Variants in COA1 observed in about 807,000 individuals in gnomAD.
COA1 encodes the protein cytochrome c oxidase assembly factor 1 homolog.
A neutral mutation model predicts 16.0 loss-of-function variants in COA1; 13 were observed. The ratio of observed to expected loss-of-function variants is 0.81; its 90% confidence interval spans 0.53 to 1.29. The LOEUF (loss-of-function observed/expected upper bound fraction) is 1.29, where lower values mean the gene tolerates loss of function less well. Among genes scored for constraint, COA1 ranks in the 50% most tolerant of loss-of-function variants. The pLI is 0.00. For missense variants in COA1, 179 were observed against 177.0 expected (o/e 1.01, Z -0.06); for synonymous variants, 65 against 65.7 (o/e 0.99, Z 0.05).
chr7:43,729,210 T>C (rs746911176), intron 1 of COA1, among the ~76,000 whole-genome samples: 12 of 152,242 alleles, frequency 7.9e-5, no homozygotes, highest in African/African-American at 9.6e-5. Flanking sequence ...CACAGCCTCC[T>C]AACTCCGAGC....
chr7:43,688,507 A>ATCACAGG (rs2094136507), intron 1 of COA1, among the ~76,000 whole-genome samples: 2 of 152,238 alleles, frequency 1.3e-5, no homozygotes, highest in Non-Finnish European at 2.9e-5. Context: ...TTCCAGGATT[A>ATCACAGG]AAAACCTCTT....
At chr7:43,657,528 A>G (rs181692206) in intron 1 of COA1, among the ~76,000 whole-genome samples, 1 of 152,340 alleles carries the variant, frequency 6.6e-6, no homozygotes, top group East Asian at 1.9e-4. Context: ...CAATCAACAA[A>G]TATTTGCCAA....
At chr7:43,654,521 A>G (rs561942343) in intron 1 of COA1, among the ~76,000 whole-genome samples, 1 of 152,352 alleles carries the variant, frequency 6.6e-6, no homozygotes, top group Admixed American at 6.5e-5. Context: ...GAAACTCACA[A>G]ACTAGAATTA....
At chr7:43,687,798 T>C (rs1344270919) in intron 1 of COA1, among the ~76,000 whole-genome samples, 1 of 152,164 alleles carries the variant, frequency 6.6e-6, no homozygotes, top group African/African-American at 2.4e-5. Context: ...AAATTCTTTG[T>C]AATTCAAGAA....
chr7:43,717,459 TCTC>T (rs1255580000), intron 1 of COA1, among the ~76,000 whole-genome samples: 4 of 152,210 alleles, frequency 2.6e-5, no homozygotes, highest in Admixed American at 6.5e-5. Flanking sequence ...TTGGCCAATT[TCTC>T]CTATTTGGAA....
At chr7:43,706,040 A>C (rs971445966) in intron 1 of COA1, among the ~76,000 whole-genome samples, 2 of 152,152 alleles carry the variant, frequency 1.3e-5, no homozygotes, top group African/African-American at 4.8e-5. Flanking sequence ...GCCTGGTCTC[A>C]GTGGGAGAGG....
At chr7:43,649,029 G>A in intron 1 of COA1, 1 of 174,840 alleles carries the variant, frequency 5.7e-6, no homozygotes, top group Non-Finnish European at 1.2e-5. Context: ...GTACGTGACA[G>A]AGTGAAAACA....
chr7:43,669,950 G>A (rs1483671269), intron 1 of COA1, among the ~76,000 whole-genome samples: 1 of 152,074 alleles, frequency 6.6e-6, no homozygotes, highest in Non-Finnish European at 1.5e-5. Context: ...AGGAAGGAAA[G>A]GAAAGCGGGG....
chr7:43,616,774 G>C (rs1258321339), intron 6 of COA1, among the ~76,000 whole-genome samples: 1 of 151,710 alleles, frequency 6.6e-6, no homozygotes, highest in Non-Finnish European at 1.5e-5. Context: ...GCGGGCTCCT[G>C]TAGTCCCAGC....
chr7:43,651,328 G>A (rs1384612143), intron 1 of COA1, among the ~76,000 whole-genome samples: 1 of 152,226 alleles, frequency 6.6e-6, no homozygotes, highest in Non-Finnish European at 1.5e-5. Flanking sequence ...GCCACAGGAA[G>A]GTGGCACAAA....
intron 1 of COA1, among the ~76,000 whole-genome samples, chr7:43,667,793 T>C (rs1355883851): frequency 2.0e-5 from 3 of 152,254 alleles, no homozygotes; most frequent in Non-Finnish European, 4.4e-5. Context: ...GCCACCTTTT[T>C]GACTTTCGCT....
At chr7:43,714,638 A>T (rs1284581585) in intron 1 of COA1, among the ~76,000 whole-genome samples, 2 of 152,008 alleles carry the variant, frequency 1.3e-5, no homozygotes, top group African/African-American at 2.4e-5. Context: ...TCAAAAAAAA[A>T]AAAAATTATA....
chr7:43,623,728 T>G (rs537023294), intron 6 of COA1: 1 of 1,607,344 alleles, frequency 6.2e-7, no homozygotes, highest in Admixed American at 1.7e-5. Context: ...AGTGTTAACA[T>G]ATGTCATGCT....
At chr7:43,670,611 A>G (rs987375598) in intron 1 of COA1, among the ~76,000 whole-genome samples, 1 of 152,238 alleles carries the variant, frequency 6.6e-6, no homozygotes, top group Non-Finnish European at 1.5e-5. Flanking sequence ...CGGGTAGATT[A>G]CACATGCATA....
At chr7:43,673,338 G>A (rs1259971341) in intron 1 of COA1, among the ~76,000 whole-genome samples, 1 of 152,142 alleles carries the variant, frequency 6.6e-6, no homozygotes, top group Non-Finnish European at 1.5e-5. Context: ...CAAAGGACAT[G>A]AACAGACACT....
intron 5 of COA1, 74 bp from the exon 6 acceptor site, chr7:43,639,755 G>T: frequency 8.7e-7 from 1 of 1,147,370 alleles, no homozygotes; most frequent in Non-Finnish European, 1.3e-6. Context: ...AAAAAGGGGC[G>T]CGGAAAGCAG....
chr7:43,644,715 TA>T (rs368141821), intron 4 of COA1, among the ~76,000 whole-genome samples: 8,564 of 81,922 alleles, frequency 0.1, 778 homozygotes, highest in African/African-American at 0.19. Flanking sequence ...ATAGATTAGA[TA>T]GATAGATAGA....
chr7:43,691,265 AAAAGAAAGAAAGAAAGAAAGAAAGAAAG>A (rs775344819), intron 1 of COA1, among the ~76,000 whole-genome samples: 3 of 45,904 alleles, frequency 6.5e-5, no homozygotes, highest in Admixed American at 2.9e-4. Flanking sequence ...AGAAAGAAAG[AAAAGAAAGAAAGAAAGAAAGAAAGAAAG>A]AAAGAAAGAA....
rs183895436 is a variant in COA1, at chr7:43,620,832, A to T, written c.*134-11337T>A. On this transcript the variant is annotated intron_variant and NMD_transcript_variant, in intron 6 of 6. Coordinates refer to the COA1 transcript ENST00000415076. ...GTCTGGGTCATGGACATCAGTGTGG[A>T]AGTCACCTAGGCTGCCAGCAGACCT... Among the ~76,000 whole-genome samples the T allele has an allele frequency of 5.9e-5, 9 of 152,304 alleles. No individual in the cohort carries two copies. The East Asian group carries it at 1.7e-3, about 29-fold the overall frequency.
Sources: gnomAD v4.1 joint callset for allele counts (sites outside exome capture counted in the v4.1 genomes callset) on GRCh38, gnomAD v4.1.1 for gene constraint, MANE v1.5 for transcripts, NCBI Gene and HGNC (gene_info 2026-07-23, HGNC 2026-07-21) for gene names.